Variants in TMC5 observed in about 807,000 individuals in gnomAD.
TMC5 encodes the protein transmembrane channel like 5.
TMC5 carries 86 observed loss-of-function variants against 110.5 expected under a neutral mutation model. The ratio of observed to expected loss-of-function variants is 0.78; its 90% confidence interval spans 0.65 to 0.93. The LOEUF (loss-of-function observed/expected upper bound fraction) is 0.93, where lower values mean the gene tolerates loss of function less well. Ranked by LOEUF, TMC5 falls within the 40% of genes least tolerant of loss-of-function variation. The probability of loss-of-function intolerance (pLI) is 0.00; values close to 1 mark genes in which losing one functional copy is unlikely to be tolerated. For synonymous variants in TMC5, 455 were observed against 439.5 expected (o/e 1.04, Z -0.44); for missense variants, 1,144 against 1,222.8 (o/e 0.94, Z 0.96).
intron 15 of TMC5, among the ~76,000 whole-genome samples, chr16:19,485,488 G>A (rs1968717883): frequency 6.6e-6 from 1 of 152,068 alleles, no homozygotes; most frequent in Non-Finnish European, 1.5e-5. Flanking sequence ...GTAGAGATGG[G>A]GGTTTTGCCA....
chr16:19,419,032 A>T (rs534807221), intron 1 of TMC5, among the ~76,000 whole-genome samples: 2 of 152,218 alleles, frequency 1.3e-5, no homozygotes, highest in Non-Finnish European at 2.9e-5. Context: ...CACTGCCAAC[A>T]ATGATGTTGT....
In TMC5 at chr16:19,440,564, A is replaced by C; in HGVS notation, c.526A>C (p.Arg176=). The C allele has an allele frequency of 6.2e-7, 1 of 1,614,226 alleles. No homozygotes were observed. The highest frequency in any genetic ancestry group is 1.1e-5 in the South Asian group (1 of 91,090). The change falls in exon 3 of 22, where the codon AGA becomes CGA. Residue 176 remains arginine, a synonymous_variant. Transcript: ENST00000542583. ...GAGCAACTCTGATCATCCTGGACCC[A>C]GAGCCAATTTGAACCATCCAGGATC... ...AQSNSDHPGP[R]ANLNHPGSRK... is the part of the protein sequence containing the mutation.
intron 11 of TMC5, among the ~76,000 whole-genome samples, chr16:19,472,635 C>T (rs1488251259): frequency 6.6e-6 from 1 of 152,164 alleles, no homozygotes; most frequent in African/African-American, 2.4e-5. Flanking sequence ...GCCCTGGGGC[C>T]AGGCCTTGCC....
chr16:19,454,220 G>C (rs1266128393), intron 5 of TMC5, among the ~76,000 whole-genome samples: 1 of 152,028 alleles, frequency 6.6e-6, no homozygotes, highest in African/African-American at 2.4e-5. Flanking sequence ...GATAATTTTT[G>C]TATTTTCAGT....
chr16:19,479,530 T>TA lies in TMC5; in HGVS notation c.2267+5dup. Reference sequence around the variant, plus strand: ...CTTCCTGGGGGAGTTTCTGAGGAGGTAAATATTTGCCATTCTTAAGTAATT... The same window carrying TA: ...CTTCCTGGGGGAGTTTCTGAGGAGGTAAAATATTTGCCATTCTTAAGTAATT... On this transcript the variant is annotated splice_region_variant and intron_variant, in intron 14 of 21. Coordinates refer to ENST00000542583, the MANE Select transcript of TMC5 (RefSeq NM_001261841.2). 1.2e-6 allele frequency: 2 copies of TA among 1,605,258 alleles called. No homozygotes were observed. The highest frequency in any genetic ancestry group is 1.7e-6 in the Non-Finnish European group (2 of 1,172,120).
chr16:19,451,732 G>A (rs1557518), intron 5 of TMC5, among the ~76,000 whole-genome samples: 10,697 of 151,944 alleles, frequency 0.07, 766 homozygotes, highest in African/African-American at 0.19. Context: ...GGACAAAGGC[G>A]CAGTCCCCAA....
intron 3 of TMC5, among the ~76,000 whole-genome samples, chr16:19,442,111 T>C (rs988800040): frequency 1.3e-5 from 2 of 152,084 alleles, no homozygotes; most frequent in African/African-American, 4.8e-5. Context: ...CCTAAGGCCA[T>C]TTTTAAGTAG....
intron 1 of TMC5, among the ~76,000 whole-genome samples, chr16:19,420,070 TC>T (rs1307869693): frequency 6.6e-6 from 1 of 152,002 alleles, no homozygotes; most frequent in East Asian, 1.9e-4. Flanking sequence ...TGAGTGATCC[TC>T]CTGCCTTAGC....
In TMC5 at chr16:19,481,420, T is replaced by C. The variant is rs1259695482; in HGVS notation, c.2318T>C (p.Ile773Thr). The change falls in exon 15 of 22, where the codon ATT becomes ACT. Residue 773 changes from isoleucine (I) to threonine (T), a missense_variant. Coordinates refer to ENST00000542583, the MANE Select transcript of TMC5 (RefSeq NM_001261841.2). ...ITSLGLQEFDIARNVLELIYA... is the reference protein window; with the variant it reads ...ITSLGLQEFDTARNVLELIYA... ...AGTCTTGGCCTTCAGGAGTTTGACA[T>C]TGCCAGGAACGTTCTAGAACTGATC... 6.2e-7 allele frequency: 1 copy of C among 1,614,156 alleles called. No individual in the cohort carries two copies. Among genetic ancestry groups the C allele is most frequent in the East Asian group, 2.2e-5 (1 of 44,874 alleles).
At chr16:19,487,634 G>A (rs1420814699) in intron 17 of TMC5, among the ~76,000 whole-genome samples, 2 of 151,842 alleles carry the variant, frequency 1.3e-5, no homozygotes, top group Admixed American at 1.3e-4. Flanking sequence ...CCCGGGAGGT[G>A]GAGGTTGCAG....
Position 19,466,061 on chromosome 16 carries a change from A to G in TMC5, c.1486-21A>G, listed in dbSNP as rs755937408. The G allele has an allele frequency of 4.3e-6, 7 of 1,612,422 alleles. No individual in the cohort carries two copies. The Admixed American group carries it at 1.0e-4, about 23-fold the overall frequency. ...TTTTTTCAGGAGATCCACCTGACCT[A>G]TGGTTTATTGTACCTTTCAGGGTTA... is the stretch of plus-strand genomic sequence containing the variant. On this transcript the variant is annotated intron_variant, in intron 8 of 21. Transcript: ENST00000542583.
intron 5 of TMC5, among the ~76,000 whole-genome samples, chr16:19,454,099 G>C (rs1162329846): frequency 2.0e-5 from 3 of 152,098 alleles, no homozygotes; most frequent in Non-Finnish European, 4.4e-5. Context: ...CCAGGCTGGA[G>C]TGGAGTGGAG....
intron 20 of TMC5, among the ~76,000 whole-genome samples, chr16:19,496,155 G>T (rs1969046431): frequency 1.6e-5 from 1 of 62,306 alleles, no homozygotes; most frequent in Non-Finnish European, 4.4e-5. Flanking sequence ...AAGACTCCGT[G>T]TCAAAAAAAA....
chr16:19,454,888 C>T (rs934703169), intron 5 of TMC5, among the ~76,000 whole-genome samples: 1 of 152,124 alleles, frequency 6.6e-6, no homozygotes, highest in African/African-American at 2.4e-5. Context: ...CCTGTAATCC[C>T]AGCACTCTGG....
At chr16:19,481,798 T>TTGA (rs1201556156) in intron 15 of TMC5, among the ~76,000 whole-genome samples, 1 of 152,200 alleles carries the variant, frequency 6.6e-6, no homozygotes, top group Non-Finnish European at 1.5e-5. Flanking sequence ...AATTCATATG[T>TTGA]TGAAACCTTA....
chr16:19,464,480 G>A (rs767753059), intron 8 of TMC5, among the ~76,000 whole-genome samples: 3 of 152,128 alleles, frequency 2.0e-5, no homozygotes, highest in Admixed American at 1.3e-4. Flanking sequence ...TACACACATC[G>A]TAGTAGAATT....
At position 19,480,834 on chromosome 16, in the gene TMC5, A is replaced by AT. The variant is rs1168026117; in HGVS notation, c.2268-527dup. On this transcript the variant is annotated intron_variant, in intron 14 of 21. Transcript: ENST00000542583. Reference sequence around the variant, plus strand: ...AAAAAAAAAAAAAAAAAGTGAAAAGATTTTTTTTTGACAGATCTTTTTTTT... The same window carrying AT: ...AAAAAAAAAAAAAAAAAGTGAAAAGATTTTTTTTTTGACAGATCTTTTTTTT... 3.2e-3 allele frequency among the ~76,000 whole-genome samples: 469 copies of AT among 148,030 alleles called. 3 individuals carry two copies. Among genetic ancestry groups the AT allele is most frequent in the African/African-American group, 0.011 (435 of 40,284 alleles).
At position 19,464,038 on chromosome 16, in the gene TMC5, TTCCCCTA is replaced by T. The variant is rs751671382; in HGVS notation, c.1485+15_1485+21del. ...TTCACTGGGGTGGTAAGTCCTCCAC[TTCCCCTA>T]CCCCAAGTGCACCAATCACCTCGGA... On this transcript the variant is annotated intron_variant, in intron 8 of 21. Coordinates refer to ENST00000542583, the MANE Select transcript of TMC5 (RefSeq NM_001261841.2). 3.2e-5 allele frequency: 52 copies of T among 1,612,210 alleles called. No homozygotes were observed. In the African/African-American group the frequency reaches 6.5e-4, roughly 20 times the overall value.
At chr16:19,443,840 GATGGATGGATGAACAGATGAATCA>G (rs1488408089) in intron 3 of TMC5, among the ~76,000 whole-genome samples, 1 of 151,992 alleles carries the variant, frequency 6.6e-6, no homozygotes, top group Non-Finnish European at 1.5e-5. Context: ...TGGGTACATG[GATGGATGGATGAACAGATGAATCA>G]ATGGATGGAT....
Sources: gnomAD v4.1 joint callset for allele counts (sites outside exome capture counted in the v4.1 genomes callset) on GRCh38, gnomAD v4.1.1 for gene constraint, MANE v1.5 for transcripts, NCBI Gene and HGNC (gene_info 2026-07-23, HGNC 2026-07-21) for gene names.